The following CCDC83 variants were observed in gnomAD, a reference collection of about 807,000 sequenced individuals.
The protein encoded by CCDC83 is coiled-coil domain containing 83, also known as coiled-coil domain-containing protein 83.
In CCDC83, 54 loss-of-function variants were observed where a neutral mutation model predicts 50.1. That is an observed-to-expected ratio of 1.08 (90% CI 0.87 to 1.35). The LOEUF is 1.35. Among genes scored for constraint, CCDC83 ranks in the 40% most tolerant of loss-of-function variants. The pLI, the probability that CCDC83 is intolerant of heterozygous loss-of-function variation, is 0.00. For missense variants in CCDC83, 518 were observed against 473.9 expected (o/e 1.09, Z -0.86); for synonymous variants, 161 against 153.3 (o/e 1.05, Z -0.37).
chr11:85,914,755 T>G (rs1592202094), intron 8 of CCDC83, among the ~76,000 whole-genome samples: 2 of 152,272 alleles, frequency 1.3e-5, no homozygotes, highest in South Asian at 2.1e-4. Context: ...ACTGTATTAG[T>G]CCATTCTCAT....
intron 7 of CCDC83, among the ~76,000 whole-genome samples, chr11:85,908,760 A>T (rs1391560685): frequency 6.6e-6 from 1 of 152,022 alleles, no homozygotes; most frequent in Admixed American, 6.5e-5. Context: ...ACCAAAAAAA[A>T]AAAAAAAGAT....
At chr11:85,866,360 GGGA>G (rs200339455) in intron 2 of CCDC83, among the ~76,000 whole-genome samples, 9,179 of 152,150 alleles carry the variant, frequency 0.06, 488 homozygotes, top group Non-Finnish European at 0.079. Flanking sequence ...GATGAAGCAT[GGGA>G]GACAGACAAT....
At chr11:85,867,660 C>T (rs1459113690) in intron 2 of CCDC83, among the ~76,000 whole-genome samples, 1 of 152,206 alleles carries the variant, frequency 6.6e-6, no homozygotes, top group Admixed American at 6.5e-5. Flanking sequence ...GTGAATGTAA[C>T]CTGGTCTCTA....
chr11:85,858,057 G>A (rs2093152965), intron 1 of CCDC83, among the ~76,000 whole-genome samples: 1 of 152,184 alleles, frequency 6.6e-6, no homozygotes, highest in Non-Finnish European at 1.5e-5. Context: ...GCCCCAGGTG[G>A]ACTGGTATCA....
chr11:85,886,442 G>T, intron 5 of CCDC83, 75 bp downstream of exon 5: 1 of 1,198,202 alleles, frequency 8.3e-7, no homozygotes, highest in Non-Finnish European at 1.1e-6. Flanking sequence ...GAAGAAAAAA[G>T]TGCATACTCC....
In CCDC83 at chr11:85,860,868, C is replaced by T. The variant is rs150370030; in HGVS notation, c.-28-4228C>T. Among the ~76,000 whole-genome samples the T allele has an allele frequency of 5.3e-3, 808 of 152,222 alleles. 9 individuals carry two copies. The highest frequency in any genetic ancestry group is 0.018 in the African/African-American group (763 of 41,544). On this transcript the variant is annotated intron_variant, in intron 1 of 10. Coordinates refer to ENST00000342404, the MANE Select transcript of CCDC83 (RefSeq NM_001286159.2). ...TGCAGCTGGAGGCCATTATCCTAAG[C>T]AAACTAATGCAAGAACCCAAAAGCA... is the stretch of plus-strand genomic sequence containing the variant.
chr11:85,882,786 CG>C, intron 4 of CCDC83, 111 bp downstream of exon 4: 2 of 1,002,238 alleles, frequency 2.0e-6, no homozygotes, highest in Non-Finnish European at 2.9e-6. Context: ...GTATTTTAAA[CG>C]GCATCATTAC....
intron 8 of CCDC83, chr11:85,912,649 G>T (rs752065533): frequency 1.3e-6 from 2 of 1,586,670 alleles, no homozygotes; most frequent in East Asian, 4.5e-5. Flanking sequence ...CTGTGATCAG[G>T]TATCCAGTGC....
chr11:85,881,554 C>T (rs922245694), intron 3 of CCDC83, among the ~76,000 whole-genome samples: 6 of 152,074 alleles, frequency 3.9e-5, no homozygotes, highest in Non-Finnish European at 1.5e-5. Flanking sequence ...TCCTGAATAG[C>T]TGAGACTACA....
intron 5 of CCDC83, among the ~76,000 whole-genome samples, chr11:85,894,429 A>G (rs1394464252): frequency 3.3e-5 from 5 of 152,204 alleles, no homozygotes. Flanking sequence ...ACTAACTTTG[A>G]TTATTCTCAG....
At chr11:85,891,529 T>C (rs1266627459) in intron 5 of CCDC83, among the ~76,000 whole-genome samples, 1 of 152,186 alleles carries the variant, frequency 6.6e-6, no homozygotes, top group Non-Finnish European at 1.5e-5. Context: ...ATTAGATAAT[T>C]ACAGTCACAG....
intron 1 of CCDC83, among the ~76,000 whole-genome samples, chr11:85,857,878 G>C (rs1012776776): frequency 6.6e-6 from 1 of 152,206 alleles, no homozygotes; most frequent in Non-Finnish European, 1.5e-5. Flanking sequence ...GACGAGGCCT[G>C]TCAGGAGGAC....
intron 2 of CCDC83, among the ~76,000 whole-genome samples, chr11:85,866,270 T>G (rs61099803): frequency 0.025 from 3,794 of 152,368 alleles, 44 homozygotes; most frequent in African/African-American, 0.031. Flanking sequence ...ATTCAATAAA[T>G]ACTTGGGTGT....
chr11:85,909,609 C>CTTTTTTTTCTTTTTTTTTTTTT (rs2093443283), intron 7 of CCDC83, among the ~76,000 whole-genome samples: 1 of 57,706 alleles, frequency 1.7e-5, no homozygotes, highest in Non-Finnish European at 3.2e-5. Flanking sequence ...TCAAAATACA[C>CTTTTTTTTCTTTTTTTTTTTTT]TTTTTTTTTT....
intron 8 of CCDC83, 139 bp downstream of exon 8, chr11:85,911,541 C>T (rs2093454438): frequency 3.0e-6 from 2 of 671,428 alleles, no homozygotes; most frequent in Non-Finnish European, 2.4e-6. Flanking sequence ...AAAAAAAATG[C>T]TCATGGTGAA....
intron 7 of CCDC83, among the ~76,000 whole-genome samples, chr11:85,906,925 T>C (rs1314044851): frequency 6.8e-6 from 1 of 146,160 alleles, no homozygotes; most frequent in African/African-American, 2.4e-5. Flanking sequence ...ATTAAATAAA[T>C]AACAAATCAT....
intron 1 of CCDC83, among the ~76,000 whole-genome samples, chr11:85,856,738 A>G (rs964018049): frequency 6.6e-6 from 1 of 152,200 alleles, no homozygotes; most frequent in Admixed American, 6.5e-5. Flanking sequence ...TTAATATATG[A>G]TTTTAACATA....
intron 5 of CCDC83, 143 bp downstream of exon 5, chr11:85,886,510 T>C: frequency 1.7e-6 from 1 of 581,316 alleles, no homozygotes; most frequent in East Asian, 3.3e-5. Flanking sequence ...AGGGTAAAGG[T>C]GGAGGGAGGA....
chr11:85,909,196 T>C (rs2093440842), intron 7 of CCDC83, among the ~76,000 whole-genome samples: 1 of 152,234 alleles, frequency 6.6e-6, no homozygotes, highest in South Asian at 2.1e-4. Flanking sequence ...GGTAACATAT[T>C]GAATGCTTTA....
Sources: allele counts gnomAD v4.1 joint callset (sites outside exome capture counted in the v4.1 genomes callset), GRCh38; gene constraint gnomAD v4.1.1; transcripts MANE v1.5; gene names NCBI Gene and HGNC (gene_info 2026-07-23, HGNC 2026-07-21).